COG3: variants seen among roughly 807,000 people sequenced by gnomAD.
COG3 encodes the protein conserved oligomeric Golgi complex subunit 3.
Under a neutral mutation model 114.1 loss-of-function variants are expected in COG3, and 32 were observed. The observed-to-expected ratio is 0.28, with a 90% CI of 0.21 to 0.38. The LOEUF (loss-of-function observed/expected upper bound fraction) is 0.38. COG3 is among the 10% of genes least tolerant of loss of function. The pLI, the probability that COG3 is intolerant of heterozygous loss-of-function variation, is 1.00. For synonymous variants in COG3, 352 were observed against 365.7 expected, an observed-to-expected ratio of 0.96 and a Z score of 0.43; for missense variants, 813 against 973.2, an observed-to-expected ratio of 0.84 and a Z score of 2.19.
chr13:45,532,126 G>A (rs995268645), intron 22 of COG3: 15 of 151,970 alleles, frequency 9.9e-5, no homozygotes, highest in African/African-American at 3.4e-4. Context: ...GCCTCATATC[G>A]CTGCTTGTTT....
At chr13:45,472,214 A>G (rs558786867) in intron 1 of COG3, among the ~76,000 whole-genome samples, 16 of 152,148 alleles carry the variant, frequency 1.1e-4, no homozygotes, top group Non-Finnish European at 2.1e-4. Context: ...ATTTCTCTGT[A>G]TAGAATATGT....
chr13:45,490,726 A>G (rs1886965142), intron 8 of COG3, among the ~76,000 whole-genome samples, 189 bp from the exon 9 acceptor site: 1 of 149,170 alleles, frequency 6.7e-6, no homozygotes, highest in Non-Finnish European at 1.5e-5. Flanking sequence ...GGAACTGTGG[A>G]TATAAAAAAA....
intron 13 of COG3, among the ~76,000 whole-genome samples, chr13:45,501,029 A>C (rs1869465618): frequency 6.6e-6 from 1 of 152,184 alleles, no homozygotes; most frequent in Non-Finnish European, 1.5e-5. Context: ...TGCCATTGTT[A>C]TTACATCATA....
chr13:45,511,675 G>A (rs1380018469), intron 15 of COG3, 90 bp from the exon 16 acceptor site: 1 of 898,634 alleles, frequency 1.1e-6, no homozygotes, highest in Non-Finnish European at 1.8e-6. Context: ...GGGCAAGCAG[G>A]CATTGTTATT....
intron 12 of COG3, among the ~76,000 whole-genome samples, chr13:45,495,096 G>T (rs186603132): frequency 2.0e-5 from 3 of 150,322 alleles, no homozygotes; most frequent in African/African-American, 7.3e-5. Flanking sequence ...TGCCCGCCTC[G>T]GCCTCCCAAA....
At chr13:45,522,542 GA>G (rs1156539642) in intron 19 of COG3, among the ~76,000 whole-genome samples, 1 of 152,158 alleles carries the variant, frequency 6.6e-6, no homozygotes, top group Non-Finnish European at 1.5e-5. Flanking sequence ...GAGTATTCAT[GA>G]GATAAGCATT....
chr13:45,496,076 T>C, intron 12 of COG3, 76 bp from the exon 13 acceptor site: 1 of 1,445,944 alleles, frequency 6.9e-7, no homozygotes, highest in Non-Finnish European at 9.4e-7. Context: ...CTGAACAATT[T>C]AGTAACATCT....
chr13:45,531,057 C>T, intron 22 of COG3: 2 of 1,027,866 alleles, frequency 1.9e-6, no homozygotes, highest in Non-Finnish European at 2.3e-6. Flanking sequence ...GTAAAAGACT[C>T]AAATAGTGGC....
chr13:45,526,470 A>G (rs1258875493), intron 20 of COG3, among the ~76,000 whole-genome samples: 1 of 152,136 alleles, frequency 6.6e-6, no homozygotes, highest in Non-Finnish European at 1.5e-5. Flanking sequence ...ACTTAGGAAG[A>G]TTTGTAAATG....
At chr13:45,481,112 C>A (rs181158602) in intron 4 of COG3, 118 bp from the exon 5 acceptor site, 2 of 657,946 alleles carry the variant, frequency 3.0e-6, no homozygotes, top group East Asian at 5.7e-5. Context: ...GAGCTGAATT[C>A]TCATATCTGA....
At chr13:45,474,151 C>CTTTTTTTT (rs10558884) in intron 1 of COG3, among the ~76,000 whole-genome samples, 24 of 81,978 alleles carry the variant, frequency 2.9e-4, no homozygotes, top group African/African-American at 7.4e-4. Flanking sequence ...CTTTTTTACT[C>CTTTTTTTT]TTTTTTTTTT....
At chr13:45,498,381 C>G (rs1209597234) in intron 13 of COG3, among the ~76,000 whole-genome samples, 1 of 97,140 alleles carries the variant, frequency 1.0e-5, no homozygotes, top group Non-Finnish European at 2.0e-5. Context: ...TTTTTTGAGA[C>G]ATAGTTTCAC....
At chr13:45,519,407 T>C (rs1871874207) in intron 19 of COG3, among the ~76,000 whole-genome samples, 2 of 152,228 alleles carry the variant, frequency 1.3e-5, no homozygotes, top group South Asian at 4.1e-4. Context: ...GACTCTCACT[T>C]TCTCCTGGAC....
At chr13:45,495,822 T>C (rs1868701544) in intron 12 of COG3, among the ~76,000 whole-genome samples, 3 of 152,224 alleles carry the variant, frequency 2.0e-5, no homozygotes, top group Admixed American at 2.0e-4. Context: ...ATAGCCCAGT[T>C]AATAAGCTAC....
chr13:45,513,957 CTA>C (rs1427392886), intron 16 of COG3, among the ~76,000 whole-genome samples: 16 of 151,964 alleles, frequency 1.1e-4, no homozygotes, highest in South Asian at 2.1e-4. Flanking sequence ...TATGGTATGA[CTA>C]TGTAATAAAA....
chr13:45,501,372 G>A (rs1409757819), intron 13 of COG3, among the ~76,000 whole-genome samples: 1 of 152,166 alleles, frequency 6.6e-6, no homozygotes, highest in Non-Finnish European at 1.5e-5. Flanking sequence ...ACTTACTGAT[G>A]TCAGTGTGGA....
intron 13 of COG3, among the ~76,000 whole-genome samples, chr13:45,500,090 G>A (rs1416064855): frequency 1.4e-4 from 6 of 42,682 alleles, no homozygotes; most frequent in African/African-American, 3.7e-4. Flanking sequence ...GTGTGTGTGT[G>A]TGTGTATATA....
At chr13:45,465,487 T>G (rs1033696770) in intron 1 of COG3, 16 of 450,672 alleles carry the variant, frequency 3.6e-5, no homozygotes, top group Non-Finnish European at 5.9e-5. Context: ...ATGGGACGGT[T>G]GGCCCGGAGC....
chr13:45,495,665 C>T (rs1006682655), intron 12 of COG3, among the ~76,000 whole-genome samples: 3 of 152,238 alleles, frequency 2.0e-5, no homozygotes, highest in South Asian at 4.2e-4. Flanking sequence ...TAGGTGTGAG[C>T]CACTGCGCCT....
Sources: gnomAD v4.1 joint callset for allele counts (sites outside exome capture counted in the v4.1 genomes callset) on GRCh38, gnomAD v4.1.1 for gene constraint, MANE v1.5 for transcripts, NCBI Gene and HGNC (gene_info 2026-07-23, HGNC 2026-07-21) for gene names.